The following CNBD1 variants were observed in gnomAD, a reference collection of about 807,000 sequenced individuals.
CNBD1 encodes cyclic nucleotide binding domain containing 1.
A neutral mutation model predicts 54.4 loss-of-function variants in CNBD1; 71 were observed. That is an observed-to-expected ratio of 1.30 (90% confidence interval 1.08 to 1.59). The LOEUF (loss-of-function observed/expected upper bound fraction) is 1.59, where lower values mean the gene tolerates loss of function less well. Among genes scored for constraint, CNBD1 ranks in the 40% most tolerant of loss-of-function variants. CNBD1 has a pLI of 0.00. For missense variants in CNBD1, 659 were observed against 518.0 expected (o/e 1.27, Z -2.64); for synonymous variants, 182 against 170.7 (o/e 1.07, Z -0.51).
intron 2 of CNBD1, among the ~76,000 whole-genome samples, chr8:87,423,068 C>T (rs1326652250): frequency 6.6e-6 from 1 of 151,526 alleles, no homozygotes; most frequent in Non-Finnish European, 1.5e-5. Flanking sequence ...TGATTTGGCT[C>T]TCTGTTTGTC....
chr8:87,026,986 T>A (rs746531103), intron 4 of CNBD1, among the ~76,000 whole-genome samples: 2 of 152,204 alleles, frequency 1.3e-5, no homozygotes, highest in African/African-American at 2.4e-5. Flanking sequence ...AGTTTCTATT[T>A]TTATTGTATC....
rs529258235 is a variant in CNBD1 at position 86,884,077 on chromosome 8, G to A, written c.89-3465G>A. Among the ~76,000 whole-genome samples the A allele has an allele frequency of 4.6e-5, 7 of 151,474 alleles. No homozygotes were observed. In the South Asian group the frequency reaches 8.3e-4, roughly 18 times the overall value. ...TGAGGCAGGAGAATGGCGTGAACCCGGGAGGCGGAGCTTGCAGTGAGCCGA... is the reference window on the plus strand; with the variant it reads ...TGAGGCAGGAGAATGGCGTGAACCCAGGAGGCGGAGCTTGCAGTGAGCCGA... On this transcript the variant is annotated intron_variant, in intron 1 of 10. Transcript: ENST00000518476.
intron 6 of CNBD1, among the ~76,000 whole-genome samples, chr8:87,249,822 C>T (rs969101441): frequency 6.6e-6 from 1 of 152,072 alleles, no homozygotes; most frequent in African/African-American, 2.4e-5. Context: ...ATTAGAAAGG[C>T]TCATTATAAA....
At chr8:87,115,675 A>G (rs1811753038) in intron 4 of CNBD1, among the ~76,000 whole-genome samples, 4 of 152,164 alleles carry the variant, frequency 2.6e-5, no homozygotes, top group Admixed American at 2.6e-4. Context: ...TGTGGTGTAG[A>G]CACTTAGAAT....
chr8:86,872,633 G>A (rs1156631932), intron 1 of CNBD1, among the ~76,000 whole-genome samples: 3 of 152,218 alleles, frequency 2.0e-5, no homozygotes, highest in Admixed American at 6.5e-5. Flanking sequence ...TAACAGGTAC[G>A]GAGTGGTATC....
At chr8:87,206,731 CG>C (rs371299809) in intron 5 of CNBD1, among the ~76,000 whole-genome samples, 219 of 152,196 alleles carry the variant, frequency 1.4e-3, no homozygotes, top group African/African-American at 4.8e-3. Flanking sequence ...ATTTTAATTA[CG>C]GGGGCTAGGC....
chr8:87,001,615 A>C (rs1354269402), intron 4 of CNBD1, among the ~76,000 whole-genome samples: 1 of 152,168 alleles, frequency 6.6e-6, no homozygotes, highest in South Asian at 2.1e-4. Context: ...ATATGTGTTT[A>C]TTTAATTAAT....
intron 6 of CNBD1, among the ~76,000 whole-genome samples, chr8:87,241,371 C>T (rs1473148833): frequency 6.8e-6 from 1 of 147,578 alleles, no homozygotes; most frequent in Non-Finnish European, 1.5e-5. Context: ...CCCGGGTTCA[C>T]GTCATTCTCC....
chr8:87,388,521 G>T (rs769977948), intron 2 of CNBD1, among the ~76,000 whole-genome samples: 1 of 152,052 alleles, frequency 6.6e-6, no homozygotes, highest in African/African-American at 2.4e-5. Flanking sequence ...TAAATTCCTC[G>T]ACACATACAC....
intron 4 of CNBD1, among the ~76,000 whole-genome samples, chr8:87,186,460 C>G: frequency 6.6e-6 from 1 of 152,174 alleles, no homozygotes; most frequent in East Asian, 1.9e-4. Flanking sequence ...TACCCTATTC[C>G]TAGTTATTAT....
At chr8:87,070,495 A>C (rs956412740) in intron 4 of CNBD1, among the ~76,000 whole-genome samples, 5 of 152,152 alleles carry the variant, frequency 3.3e-5, no homozygotes, top group African/African-American at 1.2e-4. Flanking sequence ...TTAAATGCTG[A>C]GAATGGCACA....
intron 5 of CNBD1, among the ~76,000 whole-genome samples, chr8:87,215,503 G>T (rs558352300): frequency 6.6e-6 from 1 of 151,608 alleles, no homozygotes; most frequent in African/African-American, 2.4e-5. Flanking sequence ...CAGGAGAATG[G>T]TGTGAACCCG....
chr8:87,297,702 G>T (rs1274648322), intron 8 of CNBD1, among the ~76,000 whole-genome samples: 1 of 82,132 alleles, frequency 1.2e-5, no homozygotes, highest in Non-Finnish European at 3.4e-5. Context: ...GAGAATGTGG[G>T]GTGTGTGTGT....
chr8:87,406,862 G>A (rs906021569), intron 2 of CNBD1, among the ~76,000 whole-genome samples: 4 of 152,050 alleles, frequency 2.6e-5, no homozygotes, highest in Non-Finnish European at 5.9e-5. Context: ...CTGAGAACTA[G>A]GGTATAAACC....
chr8:87,052,651 C>T (rs937102110), intron 4 of CNBD1, among the ~76,000 whole-genome samples: 2 of 152,058 alleles, frequency 1.3e-5, no homozygotes, highest in African/African-American at 2.4e-5. Flanking sequence ...CTTTAGTTCC[C>T]CTTCTTGGAT....
At chr8:87,193,743 CTA>C (rs1437453318) in intron 4 of CNBD1, among the ~76,000 whole-genome samples, 10 of 152,008 alleles carry the variant, frequency 6.6e-5, no homozygotes, top group Non-Finnish European at 1.5e-4. Context: ...TTTCTAATAC[CTA>C]GGTGGTCAGA....
At chr8:86,933,029 CAA>C (rs1190639747) in intron 3 of CNBD1, among the ~76,000 whole-genome samples, 3 of 152,044 alleles carry the variant, frequency 2.0e-5, no homozygotes, top group African/African-American at 7.2e-5. Flanking sequence ...TCTTAGACCA[CAA>C]AGAGGACGGA....
chr8:87,223,198 T>C (rs1368418672), intron 5 of CNBD1, among the ~76,000 whole-genome samples: 1 of 151,052 alleles, frequency 6.6e-6, no homozygotes, highest in Non-Finnish European at 1.5e-5. Context: ...TCCCCACCTT[T>C]TTGCTTTTTG....
At chr8:87,259,044 A>T (rs993036166) in intron 6 of CNBD1, among the ~76,000 whole-genome samples, 11 of 152,146 alleles carry the variant, frequency 7.2e-5, no homozygotes, top group African/African-American at 2.7e-4. Context: ...CATTCTCCTT[A>T]CACACCTTGT....
Sources: allele counts gnomAD v4.1 joint callset (sites outside exome capture counted in the v4.1 genomes callset), GRCh38; gene constraint gnomAD v4.1.1; transcripts MANE v1.5; gene names NCBI Gene and HGNC (gene_info 2026-07-23, HGNC 2026-07-21).